Variants in HBS1L observed in about 807,000 individuals in gnomAD.
HBS1L encodes the protein HBS1 like translational GTPase.
In HBS1L, 55 loss-of-function variants were observed where a neutral mutation model predicts 88.9. That is an observed-to-expected ratio of 0.62 (90% CI 0.50 to 0.77). The LOEUF is 0.77. Ranked by LOEUF, HBS1L falls within the 30% of genes least tolerant of loss-of-function variation. The pLI is 0.00. For missense variants in HBS1L, 741 were observed against 829.3 expected (o/e 0.89, Z 1.31); for synonymous variants, 267 against 288.5 (o/e 0.93, Z 0.76).
At chr6:134,993,609 T>C in intron 8 of HBS1L, 149 bp downstream of exon 8, 1 of 418,472 alleles carries the variant, frequency 2.4e-6, no homozygotes, top group East Asian at 3.4e-5. Flanking sequence ...AAAAATACAA[T>C]ATTGCTCTTT....
In HBS1L at chr6:134,990,908, A is replaced by AT. The variant is rs1332526836; in HGVS notation, c.1083+2849dup. Among the ~76,000 whole-genome samples, 6 of 152,140 alleles carry AT rather than the reference A, an allele frequency of 3.9e-5. No individual in the cohort carries two copies. In the South Asian group the frequency reaches 6.2e-4, roughly 16 times the overall value. On this transcript the variant is annotated intron_variant, in intron 8 of 17. Transcript: ENST00000367837. ...CTCTAAGGTCCTAGAATTCAGAAGT[A>AT]TTTTTTACTACAACTGCTTCTGGTG...
intron 4 of HBS1L, among the ~76,000 whole-genome samples, chr6:135,034,753 A>G (rs927425607): frequency 2.2e-4 from 34 of 152,260 alleles, no homozygotes; most frequent in African/African-American, 8.2e-4. Flanking sequence ...CCTAAGTAGC[A>G]TTTTTCCTTG....
At chr6:134,989,215 C>G (rs1325917242) in intron 8 of HBS1L, among the ~76,000 whole-genome samples, 2 of 152,176 alleles carry the variant, frequency 1.3e-5, no homozygotes, top group South Asian at 2.1e-4. Flanking sequence ...TCATTCTTAT[C>G]AATTATTTCT....
intron 15 of HBS1L, 30 bp downstream of exon 15, chr6:134,978,649 A>C: frequency 8.3e-7 from 1 of 1,204,412 alleles, no homozygotes; most frequent in Admixed American, 2.1e-5. Context: ...ATTTATAAAA[A>C]CAGGAATAAT....
At chr6:134,978,276 T>A (rs1225930419) in intron 15 of HBS1L, among the ~76,000 whole-genome samples, 1 of 152,046 alleles carries the variant, frequency 6.6e-6, no homozygotes, top group East Asian at 1.9e-4. Flanking sequence ...TAACTTTTAT[T>A]ATCAGAAAAA....
rs1774246117 is a variant in HBS1L at position 134,964,109 on chromosome 6, T to A, written c.*1170A>T. On this transcript the variant is annotated 3_prime_UTR_variant, in exon 18 of 18. Transcript: ENST00000367837. The stretch of plus-strand genomic sequence containing the variant: ...GATGTTATTGCTTATGTTCAAAATG[T>A]CAGGTTCACGAAAAGGTGCAGGGAG... 1 of 152,142 alleles carries A rather than the reference T, an allele frequency of 6.6e-6. No homozygotes were observed. The highest frequency in any genetic ancestry group is 1.5e-5 in the Non-Finnish European group (1 of 68,030). The allele number at this position is 152,142 out of a possible 1,614,324, so 9.4% of individuals were successfully genotyped here.
chr6:135,045,059 G>A (rs996996563), intron 2 of HBS1L, among the ~76,000 whole-genome samples: 5 of 151,826 alleles, frequency 3.3e-5, no homozygotes, highest in Admixed American at 1.3e-4. Context: ...TTTGCAAAGG[G>A]TGGGTGGGGG....
intron 5 of HBS1L, among the ~76,000 whole-genome samples, chr6:134,997,972 G>C (rs961875325): frequency 2.0e-5 from 3 of 152,078 alleles, no homozygotes; most frequent in Non-Finnish European, 4.4e-5. Flanking sequence ...CAAAATCAAT[G>C]GTATGAAGGA....
chr6:135,020,877 G>A (rs140453546), intron 4 of HBS1L, among the ~76,000 whole-genome samples: 37 of 152,010 alleles, frequency 2.4e-4, no homozygotes, highest in Non-Finnish European at 4.6e-4. Context: ...TCAGAAACTA[G>A]GGGGAGGGCA....
At chr6:135,012,628 C>A (rs998160305) in intron 4 of HBS1L, among the ~76,000 whole-genome samples, 18 of 152,082 alleles carry the variant, frequency 1.2e-4, no homozygotes, top group African/African-American at 4.1e-4. Context: ...GTCTTTAACA[C>A]GACCGCAATT....
Position 134,966,435 on chromosome 6 carries a change from T to C in HBS1L, c.1937A>G (p.Gln646Arg). ...TKGQNALVELQTQRPIALELY... is the reference protein window; with the variant it reads ...TKGQNALVELRTQRPIALELY... ...CTCAAGAGCTATTGGTCTTTGTGTC[T>C]GTAGCTCTACCAATGCATTCTGGCC... The change falls in exon 17 of 18, where the codon CAG (glutamine) becomes CGG (arginine). Residue 646 changes from glutamine to arginine, a missense_variant. Coordinates refer to ENST00000367837, the MANE Select transcript of HBS1L (RefSeq NM_006620.4). The C allele has an allele frequency of 6.2e-7, 1 of 1,610,846 alleles. No homozygotes were observed. The highest frequency in any genetic ancestry group is 8.5e-7 in the Non-Finnish European group (1 of 1,178,300).
chr6:134,984,515 G>A (rs4896124), intron 12 of HBS1L, among the ~76,000 whole-genome samples: 150,474 of 152,280 alleles, frequency 0.99, 74,353 homozygotes, highest in East Asian at 1. Context: ...TAAGCACGCC[G>A]GTTACCAATT....
chr6:135,029,718 TG>T (rs1776332628), intron 4 of HBS1L, among the ~76,000 whole-genome samples: 1 of 152,132 alleles, frequency 6.6e-6, no homozygotes, highest in South Asian at 2.1e-4. Flanking sequence ...CAATAACAAC[TG>T]GAACACTTAA....
intron 15 of HBS1L, among the ~76,000 whole-genome samples, chr6:134,973,390 C>G (rs773372067): frequency 6.6e-6 from 1 of 152,130 alleles, no homozygotes; most frequent in African/African-American, 2.4e-5. Context: ...GAACCTAGAG[C>G]AGGCAAATTC....
At chr6:134,994,722 A>G (rs987651061) in intron 7 of HBS1L, among the ~76,000 whole-genome samples, 2 of 152,112 alleles carry the variant, frequency 1.3e-5, no homozygotes, top group Non-Finnish European at 2.9e-5. Flanking sequence ...ATGTCATGTC[A>G]GCACTCAAAA....
chr6:135,001,749 C>G (rs1303990722), intron 5 of HBS1L, among the ~76,000 whole-genome samples: 1 of 152,006 alleles, frequency 6.6e-6, no homozygotes, highest in Non-Finnish European at 1.5e-5. Context: ...GGAGTCCTTT[C>G]CTTCACTGAC....
chr6:134,983,031 A>G (rs1774876711), intron 12 of HBS1L: 3 of 152,380 alleles, frequency 2.0e-5, no homozygotes, highest in Admixed American at 2.0e-4. Context: ...AAGAAGGAAT[A>G]AGTGTTTATT....
intron 13 of HBS1L, chr6:134,982,218 A>G (rs12526072): frequency 0.14 from 57,250 of 400,168 alleles, 4,907 homozygotes; most frequent in South Asian, 0.27. Flanking sequence ...GATCTGTGTC[A>G]AAAATAGAAT....
rs1282401230 is a variant in HBS1L at position 135,036,383 on chromosome 6, AAAG to A, written c.430+3187_430+3189del. ...ACTTAAATAAAGCCAGTTATCACTG[AAAG>A]AAGACATAGTTAAAAAAAAAATCAG... On this transcript the variant is annotated intron_variant, in intron 4 of 17. Transcript: ENST00000367837. The A allele has an allele frequency of 3.0e-5, 39 of 1,298,316 alleles. No individual in the cohort carries two copies. In the East Asian group the frequency reaches 9.8e-4, roughly 33 times the overall value. 80.4% of individuals were successfully genotyped at this position (1,298,316 alleles called of 1,614,324 possible). A position where few individuals can be genotyped will look rare whatever the true frequency, so the allele number is the denominator to read the frequency against.
Sources: gnomAD v4.1 joint callset for allele counts (sites outside exome capture counted in the v4.1 genomes callset) on GRCh38, gnomAD v4.1.1 for gene constraint, MANE v1.5 for transcripts, NCBI Gene and HGNC (gene_info 2026-07-23, HGNC 2026-07-21) for gene names.